CEP192: variants seen among roughly 807,000 people sequenced by gnomAD.
CEP192 encodes centrosomal protein of 192 kDa.
Under a neutral mutation model 271.8 loss-of-function variants are expected in CEP192, and 151 were observed. The ratio of observed to expected loss-of-function variants is 0.56; its 90% CI spans 0.49 to 0.64. The LOEUF (loss-of-function observed/expected upper bound fraction) is 0.64, where lower values mean the gene tolerates loss of function less well. Among genes scored for constraint, CEP192 ranks in the 30% least tolerant of loss-of-function variants. CEP192 has a pLI of 0.00. For missense variants in CEP192, 2,910 were observed against 3,020.5 expected (o/e 0.96, Z 0.86); for synonymous variants, 995 against 1,076.5 (o/e 0.92, Z 1.48).
chr18:13,067,977 A>T (rs368043350), intron 22 of CEP192, 21 bp downstream of exon 22: 31 of 1,602,930 alleles, frequency 1.9e-5, no homozygotes, highest in African/African-American at 2.7e-5. Flanking sequence ...ACATACAGTA[A>T]GAAACCATTT....
chr18:13,069,948 G>A (rs1225814998), intron 27 of CEP192, 92 bp downstream of exon 27: 1 of 716,272 alleles, frequency 1.4e-6, no homozygotes, highest in Non-Finnish European at 2.4e-6. Flanking sequence ...ATTACCTGAG[G>A]TCAGGAGTTC....
intron 8 of CEP192, 96 bp from the exon 9 acceptor site, chr18:13,018,986 G>A (rs1461173662): frequency 8.4e-7 from 1 of 1,196,522 alleles, no homozygotes. Flanking sequence ...TAAGTATTAG[G>A]GTTACATAAA....
intron 5 of CEP192, 137 bp from the exon 6 acceptor site, chr18:13,015,191 T>G: frequency 1.3e-6 from 1 of 789,464 alleles, no homozygotes; most frequent in Non-Finnish European, 1.9e-6. Context: ...TTGCTAGCCC[T>G]TTATTGCCTA....
chr18:13,059,490 TA>T (rs1284313180), intron 21 of CEP192, among the ~76,000 whole-genome samples, 178 bp downstream of exon 21: 1 of 152,212 alleles, frequency 6.6e-6, no homozygotes, highest in Non-Finnish European at 1.5e-5. Flanking sequence ...TTTTTAGTTT[TA>T]CAGTAACACA....
At chr18:13,072,982 A>C in intron 29 of CEP192, 27 bp from the exon 30 acceptor site, 4 of 1,592,948 alleles carry the variant, frequency 2.5e-6, no homozygotes, top group Non-Finnish European at 3.4e-6. Flanking sequence ...GCTTTGTTTT[A>C]TGCATTTAAC....
intron 39 of CEP192, chr18:13,104,074 G>T: frequency 3.3e-6 from 1 of 304,872 alleles, no homozygotes; most frequent in African/African-American, 2.2e-5. Flanking sequence ...TTCACAAGGT[G>T]GTTTTGAGAA....
intron 11 of CEP192, among the ~76,000 whole-genome samples, chr18:13,036,825 G>C (rs1238622791): frequency 6.6e-6 from 1 of 152,216 alleles, no homozygotes; most frequent in East Asian, 1.9e-4. Flanking sequence ...TGGGGGGCAA[G>C]CGGTCCTGGG....
intron 36 of CEP192, among the ~76,000 whole-genome samples, chr18:13,099,178 G>A (rs998755212): frequency 6.7e-6 from 1 of 149,566 alleles, no homozygotes; most frequent in Non-Finnish European, 1.5e-5. Context: ...TGGGGAGAGG[G>A]AGGGGGAGGG....
At chr18:13,116,652 C>G (rs562470343) in intron 43 of CEP192, 149 bp downstream of exon 43, 1 of 696,090 alleles carries the variant, frequency 1.4e-6, no homozygotes, top group East Asian at 3.3e-5. Flanking sequence ...CGCTGTCGCC[C>G]AGGCTGAAGT....
At chr18:13,013,638 T>C (rs1370701872) in intron 5 of CEP192, among the ~76,000 whole-genome samples, 1 of 152,154 alleles carries the variant, frequency 6.6e-6, no homozygotes, top group African/African-American at 2.4e-5. Context: ...CATGCGCAGA[T>C]AGAGGAATGC....
intron 36 of CEP192, among the ~76,000 whole-genome samples, chr18:13,097,891 C>G (rs965594829): frequency 2.0e-5 from 3 of 152,136 alleles, no homozygotes; most frequent in Admixed American, 2.0e-4. Context: ...CAAAGCACAT[C>G]TTGCACCACC....
intron 1 of CEP192, among the ~76,000 whole-genome samples, chr18:12,992,756 C>T (rs2032952010): frequency 1.3e-5 from 2 of 152,232 alleles, no homozygotes; most frequent in Admixed American, 6.5e-5. Context: ...TAGCAAAGCT[C>T]TGTTGAAGCA....
intron 15 of CEP192, among the ~76,000 whole-genome samples, chr18:13,042,942 GGT>G (rs1189860355): frequency 6.6e-6 from 1 of 152,172 alleles, no homozygotes; most frequent in Non-Finnish European, 1.5e-5. Flanking sequence ...GTTCATATGA[GGT>G]GTGTATGTCG....
intron 38 of CEP192, among the ~76,000 whole-genome samples, chr18:13,101,917 C>T (rs928410446): frequency 6.6e-6 from 1 of 152,158 alleles, no homozygotes; most frequent in African/African-American, 2.4e-5. Context: ...TGCTGTTTCA[C>T]AGGCTTCCAT....
At chr18:13,115,429 G>A (rs2040384778) in intron 42 of CEP192, among the ~76,000 whole-genome samples, 1 of 152,224 alleles carries the variant, frequency 6.6e-6, no homozygotes, top group Non-Finnish European at 1.5e-5. Flanking sequence ...TGTGAAAGGG[G>A]AGTGGTGGGG....
Position 13,069,776 on chromosome 18 carries a change from G to A in CEP192, c.5094G>A (p.Lys1698=). 1.3e-6 allele frequency: 2 copies of A among 1,598,896 alleles called. No homozygotes were observed. The highest frequency in any genetic ancestry group is 8.6e-7 in the Non-Finnish European group (1 of 1,166,776). ...GAAGTCACTTTTCAGTGGATCCAAA[G>A]AATCTACTCCTTAAACCTGGAGAAG... is the stretch of plus-strand genomic sequence containing the variant. ...EQGSHFSVDP[K]NLLLKPGEEH... is the part of the protein sequence containing the mutation. The change falls in exon 27 of 45, where the codon AAG becomes AAA. Residue 1698 remains lysine, a synonymous_variant. Transcript: ENST00000506447.
Position 13,005,169 on chromosome 18 carries a change from G to A in CEP192, c.291-3287G>A, listed in dbSNP as rs1411527694. Among the ~76,000 whole-genome samples the A allele has an allele frequency of 2.0e-5, 3 of 152,162 alleles. No homozygotes were observed. The East Asian group carries it at 5.8e-4, about 29-fold the overall frequency. ...GATGCCACGGCTGTGGGAGAGATGA[G>A]GGTCCCCACTTGTCAGAGCTTGGGG... is the stretch of plus-strand genomic sequence containing the variant. On this transcript the variant is annotated intron_variant, in intron 3 of 44. Transcript: ENST00000506447.
intron 18 of CEP192, among the ~76,000 whole-genome samples, chr18:13,054,373 T>A (rs2036968760): frequency 6.6e-6 from 1 of 152,216 alleles, no homozygotes; most frequent in Non-Finnish European, 1.5e-5. Flanking sequence ...AGTTTTTTGA[T>A]GAGCTAACTG....
In CEP192 at chr18:13,055,870, G is replaced by A; in HGVS notation, c.3280G>A (p.Val1094Ile). 6.2e-7 allele frequency: 1 copy of A among 1,613,644 alleles called. No homozygotes were observed. The highest frequency in any genetic ancestry group is 8.5e-7 in the Non-Finnish European group (1 of 1,179,876). ...ERAMEKLREK[V>I]PFQNRGKGTL... ...GGCTATGGAAAAATTGAGAGAAAAA[G>A]TTCCATTTCAGAATAGAGGAAAAGG... Residue 1094 changes from valine to isoleucine, a missense_variant, in exon 19 of 45, where the codon GTT becomes ATT. Coordinates refer to ENST00000506447, the MANE Select transcript of CEP192 (RefSeq NM_032142.4).
Sources: gnomAD v4.1 joint callset for allele counts (sites outside exome capture counted in the v4.1 genomes callset) on GRCh38, gnomAD v4.1.1 for gene constraint, MANE v1.5 for transcripts, NCBI Gene and HGNC (gene_info 2026-07-23, HGNC 2026-07-21) for gene names.